Variants in ATP10B observed in about 807,000 individuals in gnomAD.
The protein encoded by ATP10B is ATPase phospholipid transporting 10B (putative).
A neutral mutation model predicts 141.2 loss-of-function variants in ATP10B; 122 were observed. The observed-to-expected ratio is 0.86, with a 90% confidence interval of 0.75 to 1.00. ATP10B has a LOEUF of 1.00. Ranked by LOEUF, ATP10B falls within the 50% of genes least tolerant of loss-of-function variation. ATP10B has a pLI of 0.00. For synonymous variants in ATP10B, 685 were observed against 692.0 expected, an observed-to-expected ratio of 0.99 and a Z score of 0.16; for missense variants, 1,876 against 1,825.3, an observed-to-expected ratio of 1.03 and a Z score of -0.51.
At chr5:160,733,553 T>C (rs1363505604) in intron 2 of ATP10B, among the ~76,000 whole-genome samples, 1 of 151,442 alleles carries the variant, frequency 6.6e-6, no homozygotes, top group Admixed American at 6.6e-5. Context: ...ATGAGAGGGG[T>C]CAGAGAAAAA....
intron 22 of ATP10B, among the ~76,000 whole-genome samples, chr5:160,596,764 G>T (rs1756722686): frequency 6.6e-6 from 1 of 152,072 alleles, no homozygotes; most frequent in African/African-American, 2.4e-5. Flanking sequence ...CAAACAGAGA[G>T]CCAAATCGTG....
intron 2 of ATP10B, among the ~76,000 whole-genome samples, chr5:160,777,411 G>A (rs944960524): frequency 2.6e-5 from 4 of 152,202 alleles, no homozygotes; most frequent in African/African-American, 7.2e-5. Context: ...CCATGGAAGA[G>A]TTCCTACACT....
the ATP10B span, among the ~76,000 whole-genome samples, chr5:160,890,546 T>TC: frequency 1.3e-4 from 16 of 123,916 alleles, no homozygotes; most frequent in African/African-American, 4.2e-4. Context: ...AACATGTGGC[T>TC]CTTTGTGTCT....
chr5:160,662,956 A>G (rs1762044643), intron 7 of ATP10B, among the ~76,000 whole-genome samples: 1 of 152,150 alleles, frequency 6.6e-6, no homozygotes, highest in Non-Finnish European at 1.5e-5. Flanking sequence ...ACAAGAAACA[A>G]CCCCATCAAC....
At chr5:160,717,093 T>C (rs1455357492) in intron 2 of ATP10B, 59 bp from the exon 3 acceptor site, 1 of 965,016 alleles carries the variant, frequency 1.0e-6, no homozygotes, top group Non-Finnish European at 1.2e-6. Flanking sequence ...ATAAATGCTA[T>C]TTATATAAGG....
intron 1 of ATP10B, among the ~76,000 whole-genome samples, chr5:160,815,976 C>T (rs1274784321): frequency 6.6e-6 from 1 of 151,720 alleles, no homozygotes; most frequent in Admixed American, 6.6e-5. Context: ...AGAACAAAGA[C>T]ACAACATACC....
chr5:160,781,870 A>G (rs1770742170), intron 2 of ATP10B, among the ~76,000 whole-genome samples: 1 of 152,208 alleles, frequency 6.6e-6, no homozygotes, highest in Non-Finnish European at 1.5e-5. Flanking sequence ...TTTACATTAA[A>G]GATAAACTCT....
At chr5:160,798,118 G>GGAGGGT (rs1772095114) in intron 1 of ATP10B, among the ~76,000 whole-genome samples, 2 of 152,182 alleles carry the variant, frequency 1.3e-5, no homozygotes, top group Admixed American at 6.5e-5. Context: ...AGGAGGTTGG[G>GGAGGGT]GAGGGTGAGG....
At chr5:160,803,932 T>G (rs1339629322) in intron 1 of ATP10B, among the ~76,000 whole-genome samples, 1 of 151,944 alleles carries the variant, frequency 6.6e-6, no homozygotes, top group Non-Finnish European at 1.5e-5. Context: ...CACAGATTTT[T>G]TTTTTCAACG....
At chr5:160,722,572 G>T (rs77711315) in intron 2 of ATP10B, among the ~76,000 whole-genome samples, 1 of 151,616 alleles carries the variant, frequency 6.6e-6, no homozygotes, top group African/African-American at 2.4e-5. Flanking sequence ...AAGATTCAGG[G>T]ATTAAAAAAA....
chr5:160,902,044 A>C, the ATP10B span, among the ~76,000 whole-genome samples: 1 of 152,206 alleles, frequency 6.6e-6, no homozygotes, highest in Non-Finnish European at 1.5e-5. Flanking sequence ...TCCAAAATAT[A>C]CCTACTTCTA....
chr5:160,772,616 G>A (rs1769988533), intron 2 of ATP10B, among the ~76,000 whole-genome samples: 1 of 152,158 alleles, frequency 6.6e-6, no homozygotes, highest in South Asian at 2.1e-4. Context: ...TAGATCCCTG[G>A]CATGCACAGT....
chr5:160,826,124 T>G (rs1362231026), intron 1 of ATP10B, among the ~76,000 whole-genome samples: 1 of 150,202 alleles, frequency 6.7e-6, no homozygotes, highest in African/African-American at 2.5e-5. Flanking sequence ...AACATATGAG[T>G]GTATGTGTCT....
Position 160,620,801 on chromosome 5 carries a change from G to T in ATP10B, c.1962C>A (p.Asn654Lys). The T allele has an allele frequency of 1.2e-6, 2 of 1,614,196 alleles. No individual in the cohort carries two copies. Among genetic ancestry groups the T allele is most frequent in the Non-Finnish European group, 1.7e-6 (2 of 1,180,042 alleles). Reference sequence around the variant, plus strand: ...TCTCATCCGAGTCTGTGGTGGCCACGTTGGCCCCTAAGCTCTCCCCGAGGT... The same window carrying T: ...TCTCATCCGAGTCTGTGGTGGCCACTTTGGCCCCTAAGCTCTCCCCGAGGT... ...DTDLGESLGA[N>K]VATTDSDERD... Residue 654 changes from asparagine to lysine, a missense_variant, in exon 15 of 26, where the codon AAC becomes AAA. Asn to Lys is a moderately conservative substitution (Grantham distance 94, BLOSUM62 0). Coordinates refer to ENST00000327245, the MANE Select transcript of ATP10B (RefSeq NM_025153.3).
At chr5:160,571,359 T>G (rs1392304187) in intron 24 of ATP10B, among the ~76,000 whole-genome samples, 2 of 152,216 alleles carry the variant, frequency 1.3e-5, no homozygotes, top group African/African-American at 4.8e-5. Context: ...AACTTATAGT[T>G]ATTGTAGTCT....
intron 1 of ATP10B, among the ~76,000 whole-genome samples, chr5:160,801,096 T>G (rs529786416): frequency 1.6e-4 from 25 of 152,320 alleles, no homozygotes; most frequent in African/African-American, 5.3e-4. Flanking sequence ...TCCTCCTTGA[T>G]ATCTGTGGCC....
At chr5:160,644,551 C>T (rs1277505422) in intron 8 of ATP10B, among the ~76,000 whole-genome samples, 1 of 152,068 alleles carries the variant, frequency 6.6e-6, no homozygotes, top group African/African-American at 2.4e-5. Context: ...TTCTCATATT[C>T]AAAATGTTTT....
At chr5:160,845,433 T>C (rs1433390069) in intron 1 of ATP10B, among the ~76,000 whole-genome samples, 1 of 152,134 alleles carries the variant, frequency 6.6e-6, no homozygotes. Flanking sequence ...GGGTGGTGAC[T>C]GGGAAGAGGC....
intron 1 of ATP10B, among the ~76,000 whole-genome samples, chr5:160,821,233 A>G (rs1036502684): frequency 6.6e-6 from 1 of 152,148 alleles, no homozygotes; most frequent in Non-Finnish European, 1.5e-5. Flanking sequence ...AACAATCTGA[A>G]AAAGAAATGT....
Sources: gnomAD v4.1 joint callset for allele counts (sites outside exome capture counted in the v4.1 genomes callset) on GRCh38, gnomAD v4.1.1 for gene constraint, MANE v1.5 for transcripts, NCBI Gene and HGNC (gene_info 2026-07-23, HGNC 2026-07-21) for gene names.